Variants in DLGAP2 observed in about 807,000 individuals in gnomAD.
DLGAP2 encodes DLG associated protein 2.
Under a neutral mutation model 100.3 loss-of-function variants are expected in DLGAP2, and 26 were observed. That is an observed-to-expected ratio of 0.26 (90% confidence interval 0.19 to 0.36). The LOEUF is 0.36. Ranked by LOEUF, DLGAP2 falls within the 10% of genes least tolerant of loss-of-function variation. The pLI, the probability that DLGAP2 is intolerant of heterozygous loss-of-function variation, is 1.00. For missense variants in DLGAP2, 1,858 were observed against 1,453.2 expected, an observed-to-expected ratio of 1.28 and a Z score of -4.53; for synonymous variants, 886 against 630.1, an observed-to-expected ratio of 1.41 and a Z score of -6.08.
At chr8:1,218,985 G>T (rs1412586621) in intron 2 of DLGAP2, among the ~76,000 whole-genome samples, 2 of 152,126 alleles carry the variant, frequency 1.3e-5, no homozygotes, top group Non-Finnish European at 2.9e-5. Flanking sequence ...TATATCCTGA[G>T]ACTTTACTGA....
intron 14 of DLGAP2, among the ~76,000 whole-genome samples, chr8:1,698,647 AGTAAGCCATGCGTGGGACAGGTCAGT>A (rs1799476971): frequency 1.5e-5 from 2 of 137,642 alleles, no homozygotes; most frequent in East Asian, 4.6e-4. Context: ...GACAGGTCCA[AGTAAGCCATGCGTGGGACAGGTCAGT>A]GTAAGCCATG....
intron 6 of DLGAP2, among the ~76,000 whole-genome samples, chr8:1,599,315 G>C (rs941533057): frequency 6.6e-6 from 1 of 152,190 alleles, no homozygotes; most frequent in African/African-American, 2.4e-5. Flanking sequence ...AGTGTGATAT[G>C]GTGCTGAGAA....
At chr8:1,671,841 C>A (rs542391786) in intron 10 of DLGAP2, among the ~76,000 whole-genome samples, 34 of 152,332 alleles carry the variant, frequency 2.2e-4, no homozygotes, top group African/African-American at 7.9e-4. Context: ...AGGCCAGATG[C>A]CCGTAGGAGA....
chr8:1,232,765 C>G (rs74741153), intron 2 of DLGAP2, among the ~76,000 whole-genome samples: 4 of 152,216 alleles, frequency 2.6e-5, no homozygotes, highest in African/African-American at 9.7e-5. Flanking sequence ...TCATTTCTTC[C>G]ACTAACTTTT....
At chr8:1,224,099 G>C (rs888179200) in intron 2 of DLGAP2, among the ~76,000 whole-genome samples, 1 of 152,180 alleles carries the variant, frequency 6.6e-6, no homozygotes, top group Non-Finnish European at 1.5e-5. Context: ...GTGGCAGACA[G>C]AATTTAAACC....
At chr8:1,412,174 C>A (rs1378942549) in intron 3 of DLGAP2, among the ~76,000 whole-genome samples, 1 of 152,188 alleles carries the variant, frequency 6.6e-6, no homozygotes, top group Admixed American at 6.5e-5. Context: ...AGTGCTATGG[C>A]TCCCACTGCC....
chr8:1,041,883 C>T (rs1433659346), intron 2 of DLGAP2, among the ~76,000 whole-genome samples: 2 of 152,176 alleles, frequency 1.3e-5, no homozygotes, highest in Non-Finnish European at 2.9e-5. Context: ...GGACTCTCAC[C>T]ATGCGGAAGA....
At chr8:892,676 C>T (rs1219281783) in intron 1 of DLGAP2, among the ~76,000 whole-genome samples, 1 of 152,182 alleles carries the variant, frequency 6.6e-6, no homozygotes, top group African/African-American at 2.4e-5. Context: ...AAGCACAGTT[C>T]CGTTTCTGCT....
Position 1,162,126 on chromosome 8 carries a change from G to A in DLGAP2, c.74-96725G>A, listed in dbSNP as rs530899554. 6.6e-5 allele frequency among the ~76,000 whole-genome samples: 10 copies of A among 152,370 alleles called. No homozygotes were observed. The East Asian group carries it at 1.7e-3, about 26-fold the overall frequency. ...GTAAGCCCGTGGGGCAGATTCCACAGGAGGCTACGGAGGCAGGAAGCCCTC... is the reference window on the plus strand; with the variant it reads ...GTAAGCCCGTGGGGCAGATTCCACAAGAGGCTACGGAGGCAGGAAGCCCTC... On this transcript the variant is annotated intron_variant, in intron 2 of 14. Coordinates refer to ENST00000637795, the MANE Select transcript of DLGAP2 (RefSeq NM_001346810.2).
intron 3 of DLGAP2, among the ~76,000 whole-genome samples, chr8:1,365,605 A>C (rs1229339655): frequency 6.6e-6 from 1 of 152,184 alleles, no homozygotes; most frequent in South Asian, 2.1e-4. Flanking sequence ...TGCTACCTGG[A>C]TGTCCTCTAG....
At chr8:1,075,000 C>T (rs372704264) in intron 2 of DLGAP2, among the ~76,000 whole-genome samples, 1 of 151,900 alleles carries the variant, frequency 6.6e-6, no homozygotes, top group Admixed American at 6.5e-5. Context: ...CACCAACAAA[C>T]AGTGCAGCCA....
chr8:1,083,251 C>T lies in DLGAP2; in HGVS notation c.73+175285C>T, dbSNP rs188608025. On this transcript the variant is annotated intron_variant, in intron 2 of 14. Coordinates refer to ENST00000637795, the MANE Select transcript of DLGAP2 (RefSeq NM_001346810.2). Reference sequence around the variant, plus strand: ...CAGCTCTCCAGCAAGGGCAGGGCATCGTCTCACAGCCCCGGTTCCTAGTGA... The same window carrying T: ...CAGCTCTCCAGCAAGGGCAGGGCATTGTCTCACAGCCCCGGTTCCTAGTGA... 7.9e-5 allele frequency among the ~76,000 whole-genome samples: 12 copies of T among 152,318 alleles called. No homozygotes were observed. In the East Asian group the frequency reaches 1.5e-3, roughly 20 times the overall value.
intron 1 of DLGAP2, among the ~76,000 whole-genome samples, chr8:844,692 G>A (rs1797042243): frequency 6.6e-6 from 1 of 152,212 alleles, no homozygotes; most frequent in Non-Finnish European, 1.5e-5. Flanking sequence ...ACATGAAACT[G>A]TACAGTAAAT....
At chr8:1,103,378 G>T (rs928547065) in intron 2 of DLGAP2, among the ~76,000 whole-genome samples, 4 of 151,796 alleles carry the variant, frequency 2.6e-5, no homozygotes, top group South Asian at 4.2e-4. Flanking sequence ...CGGGGACTTG[G>T]TTAACGGTGA....
chr8:1,422,787 C>A (rs553257796), intron 3 of DLGAP2, among the ~76,000 whole-genome samples: 11 of 152,176 alleles, frequency 7.2e-5, no homozygotes, highest in African/African-American at 2.6e-4. Flanking sequence ...AGGGGAAAGG[C>A]TGAGGGCATG....
chr8:1,046,451 A>G (rs1327252515), intron 2 of DLGAP2, among the ~76,000 whole-genome samples: 1 of 152,154 alleles, frequency 6.6e-6, no homozygotes, highest in Admixed American at 6.6e-5. Context: ...GGATGTGTAC[A>G]TGAATGGGAC....
intron 2 of DLGAP2, among the ~76,000 whole-genome samples, chr8:1,132,901 A>C (rs1322065306): frequency 6.6e-6 from 1 of 152,236 alleles, no homozygotes; most frequent in Non-Finnish European, 1.5e-5. Context: ...TTGTTTAAAA[A>C]TTTGGGGGTC....
intron 2 of DLGAP2, among the ~76,000 whole-genome samples, chr8:1,119,855 C>T (rs1219069008): frequency 9.2e-5 from 14 of 152,194 alleles, no homozygotes; most frequent in Admixed American, 8.5e-4. Flanking sequence ...AAATAAAATA[C>T]AGTGAATGGG....
chr8:1,338,167 G>A (rs931839224), intron 3 of DLGAP2, among the ~76,000 whole-genome samples: 2 of 152,238 alleles, frequency 1.3e-5, no homozygotes, highest in South Asian at 4.1e-4. Flanking sequence ...ATGACCCAGT[G>A]TGTGTATTCC....
Sources: allele counts gnomAD v4.1 joint callset (sites outside exome capture counted in the v4.1 genomes callset), GRCh38; gene constraint gnomAD v4.1.1; transcripts MANE v1.5; gene names NCBI Gene and HGNC (gene_info 2026-07-23, HGNC 2026-07-21).